Variants in HTR7 observed in about 807,000 individuals in gnomAD.
HTR7 encodes the protein 5-HT-7.
A neutral mutation model predicts 34.0 loss-of-function variants in HTR7; 16 were observed. That is an observed-to-expected ratio of 0.47 (90% CI 0.32 to 0.71). The LOEUF is 0.71. Ranked by LOEUF, HTR7 falls within the 30% of genes least tolerant of loss-of-function variation. The pLI is 0.04. For synonymous variants in HTR7, 265 were observed against 260.2 expected (o/e 1.02, Z -0.18); for missense variants, 504 against 625.5 (o/e 0.81, Z 2.07).
chr10:90,831,975 G>T (rs1404820421), intron 1 of HTR7, among the ~76,000 whole-genome samples: 1 of 152,218 alleles, frequency 6.6e-6, no homozygotes, highest in Non-Finnish European at 1.5e-5. Context: ...CAAACCCTGA[G>T]CTAGACATAG....
At chr10:90,773,110 A>G (rs1334863762) in intron 1 of HTR7, among the ~76,000 whole-genome samples, 1 of 152,214 alleles carries the variant, frequency 6.6e-6, no homozygotes, top group African/African-American at 2.4e-5. Flanking sequence ...TCTAGTTGGG[A>G]AAAACTCAGA....
At chr10:90,795,145 C>T in intron 1 of HTR7, among the ~76,000 whole-genome samples, 1 of 152,174 alleles carries the variant, frequency 6.6e-6, no homozygotes, top group Non-Finnish European at 1.5e-5. Context: ...CATCAACATA[C>T]TGATTTACCT....
intron 1 of HTR7, among the ~76,000 whole-genome samples, chr10:90,803,579 G>C (rs184721843): frequency 6.6e-6 from 1 of 152,132 alleles, no homozygotes; most frequent in Non-Finnish European, 1.5e-5. Flanking sequence ...TCTGTTTATC[G>C]GGAGACCGCC....
intron 1 of HTR7, among the ~76,000 whole-genome samples, chr10:90,839,864 C>A (rs1045985582): frequency 6.6e-6 from 1 of 152,012 alleles, no homozygotes; most frequent in African/African-American, 2.4e-5. Flanking sequence ...CAAGAAAGGT[C>A]CTATCACACA....
chr10:90,753,851 G>T (rs558014624), intron 1 of HTR7, among the ~76,000 whole-genome samples: 2 of 151,956 alleles, frequency 1.3e-5, no homozygotes, highest in African/African-American at 4.8e-5. Flanking sequence ...AGCTCTTAAA[G>T]ATAAGTAATA....
intron 1 of HTR7, among the ~76,000 whole-genome samples, chr10:90,780,875 C>A (rs1399692249): frequency 1.3e-5 from 2 of 152,184 alleles, no homozygotes; most frequent in Non-Finnish European, 2.9e-5. Flanking sequence ...TGTTGTGGGA[C>A]CACATGCTTT....
intron 1 of HTR7, among the ~76,000 whole-genome samples, chr10:90,832,625 C>T (rs1416893927): frequency 6.6e-6 from 1 of 152,192 alleles, no homozygotes; most frequent in Non-Finnish European, 1.5e-5. Flanking sequence ...AGGGCTCCCA[C>T]AGTGCAGCAG....
At chr10:90,778,394 C>A (rs1023424145) in intron 1 of HTR7, among the ~76,000 whole-genome samples, 1 of 152,106 alleles carries the variant, frequency 6.6e-6, no homozygotes, top group African/African-American at 2.4e-5. Context: ...GAGACTTGAG[C>A]TAGCATGCTC....
chr10:90,771,250 C>G (rs1845105282), intron 1 of HTR7, among the ~76,000 whole-genome samples: 1 of 152,206 alleles, frequency 6.6e-6, no homozygotes, highest in East Asian at 1.9e-4. Flanking sequence ...GCTGGTTGTT[C>G]TATTGCTCAG....
chr10:90,846,541 T>A (rs900761153), intron 1 of HTR7, among the ~76,000 whole-genome samples: 1 of 152,200 alleles, frequency 6.6e-6, no homozygotes, highest in African/African-American at 2.4e-5. Context: ...ATACTGCTCC[T>A]CTTTAACAAG....
chr10:90,816,429 G>A (rs1845900370), intron 1 of HTR7, among the ~76,000 whole-genome samples: 1 of 152,094 alleles, frequency 6.6e-6, no homozygotes, highest in South Asian at 2.1e-4. Context: ...TATTTCAAAG[G>A]AAAACTATAA....
intron 2 of HTR7, among the ~76,000 whole-genome samples, chr10:90,744,328 T>C (rs1844602189): frequency 6.6e-6 from 1 of 151,032 alleles, no homozygotes; most frequent in South Asian, 2.1e-4. Flanking sequence ...TACCCTACCA[T>C]GCCTGGTTCC....
chr10:90,837,815 T>C (rs756929357), intron 1 of HTR7, among the ~76,000 whole-genome samples: 9 of 152,176 alleles, frequency 5.9e-5, no homozygotes, highest in Non-Finnish European at 1.3e-4. Context: ...TTTCCTCTCA[T>C]CTTCTCTTTA....
chr10:90,760,869 A>G (rs1844924304), intron 1 of HTR7, among the ~76,000 whole-genome samples: 1 of 152,214 alleles, frequency 6.6e-6, no homozygotes, highest in African/African-American at 2.4e-5. Flanking sequence ...CAACAGAGTG[A>G]GACTCTGTCT....
chr10:90,780,151 C>A (rs1185216353), intron 1 of HTR7, among the ~76,000 whole-genome samples: 2 of 152,134 alleles, frequency 1.3e-5, no homozygotes, highest in Non-Finnish European at 2.9e-5. Flanking sequence ...GAGGCTGAGG[C>A]CAAAGGATCA....
rs2120148827 is a variant in HTR7 at position 90,857,846 on chromosome 10, G to A, written c.-175C>T. 1.8e-6 allele frequency: 1 copy of A among 557,458 alleles called. No individual in the cohort carries two copies. Among genetic ancestry groups the A allele is most frequent in the Non-Finnish European group, 2.6e-6 (1 of 379,458 alleles). The allele number at this position is 557,458 out of a possible 1,614,324, so 34.5% of individuals were successfully genotyped here. On this transcript the variant is annotated 5_prime_UTR_variant, in exon 1 of 4. Transcript: ENST00000336152. The surrounding 1 kb of genome is among the most constrained non-coding windows in gnomAD (Gnocchi z 6.5). ...GGAGCCCCGCACTCCCCGGACCCCC[G>A]GCCGCTGCGGGTAACGCGGCAGCGC...
chr10:90,786,551 A>T (rs1191118334), intron 1 of HTR7, among the ~76,000 whole-genome samples: 3 of 152,208 alleles, frequency 2.0e-5, no homozygotes, highest in Non-Finnish European at 4.4e-5. Context: ...AACCTGACAG[A>T]GTTTAACTTC....
chr10:90,778,362 T>G (rs1845252294), intron 1 of HTR7, among the ~76,000 whole-genome samples: 3 of 152,006 alleles, frequency 2.0e-5, no homozygotes, highest in Admixed American at 2.0e-4. Context: ...GTGGAAGTGG[T>G]AGCTTTATAA....
chr10:90,840,249 T>G (rs1846308735), intron 1 of HTR7, among the ~76,000 whole-genome samples: 1 of 151,480 alleles, frequency 6.6e-6, no homozygotes, highest in African/African-American at 2.4e-5. Context: ...CTGCTTAGAT[T>G]CTATCTTAAA....
Sources: allele counts gnomAD v4.1 joint callset (sites outside exome capture counted in the v4.1 genomes callset), GRCh38; gene constraint gnomAD v4.1.1; non-coding constraint Gnocchi (gnomAD v3.1); transcripts MANE v1.5; gene names NCBI Gene and HGNC (gene_info 2026-07-23, HGNC 2026-07-21).